IL10RA: variants seen among roughly 807,000 people sequenced by gnomAD.
IL10RA encodes interleukin 10 receptor subunit alpha.
Under a neutral mutation model 29.6 loss-of-function variants are expected in IL10RA, and 18 were observed. The observed-to-expected ratio is 0.61, with a 90% confidence interval of 0.42 to 0.90. IL10RA has a LOEUF of 0.90. Among genes scored for constraint, IL10RA ranks in the 40% least tolerant of loss-of-function variants. The probability of loss-of-function intolerance (pLI) is 0.00; values close to 1 mark genes in which losing one functional copy is unlikely to be tolerated. For synonymous variants in IL10RA, 292 were observed against 294.1 expected (o/e 0.99, Z 0.07); for missense variants, 634 against 716.6 (o/e 0.88, Z 1.32).
Position 117,999,583 on chromosome 11 carries a change from G to T in IL10RA, c.1679G>T (p.Ser560Ile). The T allele has an allele frequency of 6.2e-7, 1 of 1,614,202 alleles. No homozygotes were observed. The change falls in exon 7 of 7, where the codon AGC (serine) becomes ATC (isoleucine). Residue 560 changes from serine to isoleucine, a missense_variant. Physicochemically the swap from Ser to Ile is moderately radical, Grantham distance 142. Coordinates refer to ENST00000227752, the MANE Select transcript of IL10RA (RefSeq NM_001558.4). ...CVAAPGGLLGSFNSDLVTLPL... is the reference protein window; with the variant it reads ...CVAAPGGLLGIFNSDLVTLPL... Reference sequence around the variant, plus strand: ...GCAGCCCCAGGTGGTCTCCTGGGCAGCTTTAACTCAGACCTGGTCACCCTG... The same window carrying T: ...GCAGCCCCAGGTGGTCTCCTGGGCATCTTTAACTCAGACCTGGTCACCCTG...
Position 117,986,747 on chromosome 11 carries a change from G to A in IL10RA, c.67+213G>A, listed in dbSNP as rs780666080. 1.7e-5 allele frequency: 26 copies of A among 1,532,894 alleles called. No individual in the cohort carries two copies. The Middle Eastern group carries it at 5.0e-4, about 30-fold the overall frequency. 95.0% of individuals were successfully genotyped at this position (1,532,894 alleles called of 1,614,324 possible). A position where few individuals can be genotyped will look rare whatever the true frequency, so the allele number is the denominator to read the frequency against. ...AGGAACTGACGGATTGGGAAGGATA[G>A]AGAAGTATGCGCAAGGCCAAACCCC... On this transcript the variant is annotated intron_variant, in intron 1 of 6. Transcript: ENST00000227752.
rs780890442 is a variant in IL10RA at position 118,001,077 on chromosome 11, C to T, written c.*1436C>T. On this transcript the variant is annotated 3_prime_UTR_variant, in exon 7 of 7. Coordinates refer to ENST00000227752, the MANE Select transcript of IL10RA (RefSeq NM_001558.4). Reference sequence around the variant, plus strand: ...CTGGCCCAGGGAATCCAGCCATGACCCCCACCCCTCTGCCAAAGTACTCTT... The same window carrying T: ...CTGGCCCAGGGAATCCAGCCATGACTCCCACCCCTCTGCCAAAGTACTCTT... 2 of 454,252 alleles carry T rather than the reference C, an allele frequency of 4.4e-6. No individual in the cohort carries two copies. The highest frequency in any genetic ancestry group is 3.1e-5 in the South Asian group (2 of 64,478). The allele number at this position is 454,252 out of a possible 1,614,324, so 28.1% of individuals were successfully genotyped here. A position where few individuals can be genotyped will look rare whatever the true frequency, so the allele number is the denominator to read the frequency against.
In IL10RA at chr11:117,986,434, C is replaced by G. The variant is rs1415569395; in HGVS notation, c.-34C>G. 5.2e-6 allele frequency: 8 copies of G among 1,545,590 alleles called. No homozygotes were observed. In the East Asian group the frequency reaches 1.7e-4, roughly 33 times the overall value. On this transcript the variant is annotated 5_prime_UTR_variant, in exon 1 of 7. Transcript: ENST00000227752. Reference sequence around the variant, plus strand: ...GTAGCTGGAGGCGCGCAGGCCGGCTCCGCTCCGGCCCCGGACGATGCGGCG... The same window carrying G: ...GTAGCTGGAGGCGCGCAGGCCGGCTGCGCTCCGGCCCCGGACGATGCGGCG...
At chr11:117,991,345 C>T (rs2134985609) in intron 3 of IL10RA, among the ~76,000 whole-genome samples, 1 of 152,232 alleles carries the variant, frequency 6.6e-6, no homozygotes, top group East Asian at 1.9e-4. Flanking sequence ...GTGGAATGAT[C>T]AAATCAAGGT....
At chr11:117,987,681 A>G (rs148406460) in intron 1 of IL10RA, 181 of 157,938 alleles carry the variant, frequency 1.1e-3, no homozygotes, top group African/African-American at 4.1e-3. Context: ...ACTGGGGGTA[A>G]AGGGAGAGTA....
intron 1 of IL10RA, chr11:117,986,979 C>T (rs2057990775): frequency 7.3e-6 from 4 of 551,328 alleles, no homozygotes; most frequent in Non-Finnish European, 1.2e-5. Context: ...CTGATCACCC[C>T]GATCTGATCC....
At chr11:117,995,841 T>C (rs1591264766) in intron 6 of IL10RA, 131 bp downstream of exon 6, 1 of 960,390 alleles carries the variant, frequency 1.0e-6, no homozygotes. Context: ...CTGATGTGAT[T>C]GGGAGATACC....
intron 3 of IL10RA, chr11:117,992,946 A>C (rs1794963501): frequency 2.3e-6 from 1 of 426,420 alleles, no homozygotes; most frequent in African/African-American, 2.0e-5. Flanking sequence ...TGTTGAAGAG[A>C]CTGTTCTTTT....
At chr11:117,993,572 C>G (rs1408515289) in intron 4 of IL10RA, among the ~76,000 whole-genome samples, 162 bp downstream of exon 4, 1 of 152,176 alleles carries the variant, frequency 6.6e-6, no homozygotes, top group Non-Finnish European at 1.5e-5. Context: ...CCTCAGCCCT[C>G]AGAGCTATGC....
intron 4 of IL10RA, 136 bp downstream of exon 4, chr11:117,993,546 G>A (rs1225115409): frequency 1.1e-5 from 9 of 789,200 alleles, no homozygotes; most frequent in Non-Finnish European, 1.7e-5. Flanking sequence ...GTGGGCAGAG[G>A]AGGGAGTAGA....
chr11:117,998,623 G>C, intron 6 of IL10RA, 92 bp from the exon 7 acceptor site: 1 of 1,044,942 alleles, frequency 9.6e-7, no homozygotes, highest in Non-Finnish European at 1.5e-6. Context: ...CCTCCATCGA[G>C]CTCTCCTCCT....
Position 118,001,116 on chromosome 11 carries a change from G to T in IL10RA, c.*1475G>T, listed in dbSNP as rs1278037874. The T allele has an allele frequency of 8.8e-6, 4 of 454,192 alleles. No individual in the cohort carries two copies. Among genetic ancestry groups the T allele is most frequent in the Non-Finnish European group, 1.8e-5 (4 of 226,814 alleles). 28.1% of individuals were successfully genotyped at this position (454,192 alleles called of 1,614,324 possible). ...CAAAGTACTCTTAGGTGCCAGTCTGGTAACTGAACTCCCTCTGGAGGCAGG... is the reference window on the plus strand; with the variant it reads ...CAAAGTACTCTTAGGTGCCAGTCTGTTAACTGAACTCCCTCTGGAGGCAGG... On this transcript the variant is annotated 3_prime_UTR_variant, in exon 7 of 7. Transcript: ENST00000227752.
In IL10RA at chr11:117,999,703, A is replaced by G. The variant is rs1318358869; in HGVS notation, c.*62A>G. 2.7e-6 allele frequency: 4 copies of G among 1,473,546 alleles called. No homozygotes were observed. The highest frequency in any genetic ancestry group is 3.8e-6 in the Non-Finnish European group (4 of 1,057,804). The allele number at this position is 1,473,546 out of a possible 1,614,324, so 91.3% of individuals were successfully genotyped here. On this transcript the variant is annotated 3_prime_UTR_variant, in exon 7 of 7. Coordinates refer to ENST00000227752, the MANE Select transcript of IL10RA (RefSeq NM_001558.4). ...CTGCTCCTCTGCCTGGACCAGGAGGAGGGCCCCTGGGGCAGAAGTTAGGCA... is the reference window on the plus strand; with the variant it reads ...CTGCTCCTCTGCCTGGACCAGGAGGGGGGCCCCTGGGGCAGAAGTTAGGCA...
At position 117,986,402 on chromosome 11, in the gene IL10RA, C is replaced by A. The variant is rs1325744149; in HGVS notation, c.-66C>A. ...CGGGCGGCGGAGCTGTCAGTCCCAG[C>A]CCAAGGGTAGCTGGAGGCGCGCAGG... On this transcript the variant is annotated 5_prime_UTR_variant, in exon 1 of 7. Transcript: ENST00000227752. The A allele has an allele frequency of 6.8e-7, 1 of 1,479,824 alleles. No individual in the cohort carries two copies. 91.7% of individuals were successfully genotyped at this position (1,479,824 alleles called of 1,614,324 possible).
chr11:118,000,417 C>T lies in IL10RA; in HGVS notation c.*776C>T, dbSNP rs936892993. The T allele has an allele frequency of 4.4e-6, 2 of 454,316 alleles. No individual in the cohort carries two copies. Among genetic ancestry groups the T allele is most frequent in the South Asian group, 3.1e-5 (2 of 64,474 alleles). 28.1% of individuals were successfully genotyped at this position (454,316 alleles called of 1,614,324 possible). On this transcript the variant is annotated 3_prime_UTR_variant, in exon 7 of 7. Coordinates refer to ENST00000227752, the MANE Select transcript of IL10RA (RefSeq NM_001558.4). The stretch of plus-strand genomic sequence containing the variant: ...GCACTTGCTGAGGCCAAGCCACTCA[C>T]ATCCTCACTTTGCTGCCCCACCATC...
At chr11:117,996,421 A>T (rs913293709) in intron 6 of IL10RA, among the ~76,000 whole-genome samples, 2 of 152,190 alleles carry the variant, frequency 1.3e-5, no homozygotes, top group Non-Finnish European at 2.9e-5. Context: ...GCTTGCAAAG[A>T]TTGGGCAGCA....
chr11:117,992,098 C>A (rs1385975906), intron 3 of IL10RA, among the ~76,000 whole-genome samples: 1 of 152,180 alleles, frequency 6.6e-6, no homozygotes, highest in Non-Finnish European at 1.5e-5. Flanking sequence ...ATTTAAAAAA[C>A]CCATTCATCC....
Position 117,989,532 on chromosome 11 carries a change from C to G in IL10RA, c.279C>G (p.Ser93Arg). The G allele has an allele frequency of 6.2e-7, 1 of 1,614,160 alleles. No homozygotes were observed. ...CAGTGACCTTGGACCTGTACCACAG[C>G]AATGGCTACCGGGCCAGAGTGCGGG... is the stretch of plus-strand genomic sequence containing the variant. Reference protein sequence around the residue: ...LTAVTLDLYHSNGYRARVRAV... With the variant: ...LTAVTLDLYHRNGYRARVRAV... Residue 93 changes from serine (S) to arginine (R), a missense_variant, in exon 3 of 7, where the codon AGC (serine) becomes AGG (arginine). Physicochemically the swap from Ser to Arg is moderately radical, Grantham distance 110 (BLOSUM62 -1). Transcript: ENST00000227752. This position sits in a 1 kb window ranked among gnomAD's most constrained non-coding sequence, Gnocchi z 4.5.
intron 1 of IL10RA, 83 bp from the exon 2 acceptor site, chr11:117,988,299 A>G: frequency 6.4e-7 from 1 of 1,572,288 alleles, no homozygotes; most frequent in Non-Finnish European, 8.7e-7. Context: ...GCCTCTCTGA[A>G]CCTCCCTTTC....
Sources: gnomAD v4.1 joint callset for allele counts (sites outside exome capture counted in the v4.1 genomes callset) on GRCh38, gnomAD v4.1.1 for gene constraint, Gnocchi (gnomAD v3.1) non-coding constraint, MANE v1.5 for transcripts, NCBI Gene and HGNC (gene_info 2026-07-23, HGNC 2026-07-21) for gene names.